The following BTG4 variants were observed in gnomAD, a reference collection of about 807,000 sequenced individuals.
BTG4 encodes the protein BTG anti-proliferation factor 4.
A neutral mutation model predicts 19.3 loss-of-function variants in BTG4; 10 were observed. The ratio of observed to expected loss-of-function variants is 0.52; its 90% CI spans 0.32 to 0.88. BTG4 has a LOEUF of 0.88. Among genes scored for constraint, BTG4 ranks in the 40% least tolerant of loss-of-function variants. BTG4 has a pLI of 0.04. For synonymous variants in BTG4, 91 were observed against 95.7 expected (o/e 0.95, Z 0.29); for missense variants, 238 against 281.9 (o/e 0.84, Z 1.11).
intron 2 of BTG4, 122 bp downstream of exon 2, chr11:111,498,482 A>G (rs2135684402): frequency 2.3e-6 from 2 of 852,086 alleles, no homozygotes; most frequent in Non-Finnish European, 3.7e-6. Flanking sequence ...TCAAACAAAT[A>G]AACTCGAGCC....
At chr11:111,491,095 C>T (rs777172264), downstream of BTG4, among the ~76,000 whole-genome samples, 9 of 152,174 alleles carry the variant, frequency 5.9e-5, no homozygotes, top group East Asian at 7.7e-4. Context: ...CTCCAAAGAA[C>T]TATGCTTAGT....
the BTG4 span, among the ~76,000 whole-genome samples, chr11:111,418,847 T>C: frequency 3.3e-5 from 5 of 152,218 alleles, no homozygotes; most frequent in Non-Finnish European, 7.3e-5. Flanking sequence ...TTTGTTTTAG[T>C]TCACTAGGGC....
chr11:111,438,661 A>T, the BTG4 span, among the ~76,000 whole-genome samples: 2 of 152,286 alleles, frequency 1.3e-5, no homozygotes, highest in East Asian at 1.9e-4. Flanking sequence ...AACATTAAAC[A>T]TTTTCTGGAT....
chr11:111,432,039 T>G, the BTG4 span, among the ~76,000 whole-genome samples: 1 of 152,188 alleles, frequency 6.6e-6, no homozygotes, highest in East Asian at 1.9e-4. Flanking sequence ...CACCAGCACA[T>G]CAGTGCAAAT....
intron 1 of BTG4, chr11:111,507,912 A>G (rs1345998215): frequency 1.3e-5 from 2 of 152,196 alleles, no homozygotes; most frequent in East Asian, 3.8e-4. Context: ...ACTCCTCGTG[A>G]CTTCAACTAT....
At chr11:111,442,401 C>T in the BTG4 span, among the ~76,000 whole-genome samples, 25 of 150,848 alleles carry the variant, frequency 1.7e-4, no homozygotes, top group Non-Finnish European at 2.7e-4. Flanking sequence ...CTCAGGAGGT[C>T]GAGGCAAGAG....
chr11:111,460,932 C>G, the BTG4 span, among the ~76,000 whole-genome samples: 3 of 152,116 alleles, frequency 2.0e-5, no homozygotes, highest in African/African-American at 7.2e-5. Context: ...ACCTCTCCCC[C>G]TGTCTCTCCC....
intron 5 of BTG4, among the ~76,000 whole-genome samples, chr11:111,486,949 A>AT (rs1290969601): frequency 6.6e-6 from 1 of 151,608 alleles, no homozygotes; most frequent in Non-Finnish European, 1.5e-5. Context: ...ATGCATTAGC[A>AT]TTTTATCCTG....
intron 5 of BTG4, chr11:111,467,727 T>C: frequency 4.1e-6 from 3 of 740,002 alleles, no homozygotes; most frequent in Non-Finnish European, 4.9e-6. Context: ...ACAAATTTTA[T>C]AATTTTTTCC....
chr11:111,491,929 A>G (rs1461100313), downstream of BTG4, among the ~76,000 whole-genome samples: 4 of 138,060 alleles, frequency 2.9e-5, no homozygotes, highest in African/African-American at 1.1e-4. Flanking sequence ...ATAAAAATAT[A>G]TAGTTGATTA....
At chr11:111,468,745 A>T (rs147925036) in intron 5 of BTG4, among the ~76,000 whole-genome samples, 186 of 152,330 alleles carry the variant, frequency 1.2e-3, no homozygotes, top group African/African-American at 4.1e-3. Flanking sequence ...TCAAACTGTG[A>T]TCCTTAGACC....
downstream of BTG4, among the ~76,000 whole-genome samples, chr11:111,490,652 G>A (rs1865363053): frequency 6.6e-6 from 1 of 152,108 alleles, no homozygotes; most frequent in Non-Finnish European, 1.5e-5. Flanking sequence ...GATGCCAAAT[G>A]AGCACAAGAT....
chr11:111,486,377 G>T (rs1865062859), intron 5 of BTG4, among the ~76,000 whole-genome samples: 1 of 152,116 alleles, frequency 6.6e-6, no homozygotes, highest in African/African-American at 2.4e-5. Flanking sequence ...AGAGGTTGCA[G>T]ATCACACCAA....
upstream of BTG4, among the ~76,000 whole-genome samples, chr11:111,513,692 TG>T (rs1867108266): frequency 6.6e-6 from 1 of 152,096 alleles, no homozygotes; most frequent in Non-Finnish European, 1.5e-5. Flanking sequence ...GGTTTTGTTT[TG>T]TTTTTTTTTC....
the BTG4 span, chr11:111,404,527 A>G: frequency 4.4e-6 from 2 of 454,142 alleles, no homozygotes; most frequent in South Asian, 1.6e-5. Flanking sequence ...GCAGGGAATC[A>G]TCTGACATAA....
chr11:111,405,455 C>T, the BTG4 span, among the ~76,000 whole-genome samples: 1 of 136,894 alleles, frequency 7.3e-6, no homozygotes, highest in Non-Finnish European at 1.5e-5. Flanking sequence ...ACCATGAGAA[C>T]CCAGAGAGTT....
the BTG4 span, chr11:111,451,481 G>A: frequency 4.7e-6 from 2 of 429,232 alleles, no homozygotes; most frequent in Admixed American, 4.7e-5. Flanking sequence ...AAATACTGCT[G>A]CAGGCCAGGT....
intron 5 of BTG4, among the ~76,000 whole-genome samples, chr11:111,477,868 G>T (rs1331184407): frequency 1.3e-5 from 2 of 152,076 alleles, no homozygotes; most frequent in Non-Finnish European, 2.9e-5. Flanking sequence ...AGAAAAAACT[G>T]GCCCTACCCA....
the BTG4 span, among the ~76,000 whole-genome samples, chr11:111,404,257 T>C: frequency 0.35 from 53,373 of 152,092 alleles, 9,764 homozygotes; most frequent in Admixed American, 0.44. Flanking sequence ...CCATTAAACC[T>C]CTTTCTTTGT....
Sources: allele counts gnomAD v4.1 joint callset (sites outside exome capture counted in the v4.1 genomes callset), GRCh38; gene constraint gnomAD v4.1.1; transcripts MANE v1.5; gene names NCBI Gene and HGNC (gene_info 2026-07-23, HGNC 2026-07-21).